The following TP63 variants were observed in gnomAD, a reference collection of about 807,000 sequenced individuals.
TP63 encodes the protein tumor protein 63.
In TP63, 17 loss-of-function variants were observed where a neutral mutation model predicts 82.8. The ratio of observed to expected loss-of-function variants is 0.21; its 90% CI spans 0.14 to 0.31. TP63 has a LOEUF of 0.31. Ranked by LOEUF, TP63 falls within the 10% of genes least tolerant of loss-of-function variation. The pLI is 1.00. For synonymous variants in TP63, 330 were observed against 321.7 expected (o/e 1.03, Z -0.28); for missense variants, 648 against 895.3 (o/e 0.72, Z 3.52).
chr3:189,758,829 T>G (rs2108534382), intron 3 of TP63, among the ~76,000 whole-genome samples: 1 of 152,332 alleles, frequency 6.6e-6, no homozygotes, highest in African/African-American at 2.4e-5. Context: ...GACCATCATT[T>G]CCCATTTGAA....
intron 3 of TP63, among the ~76,000 whole-genome samples, chr3:189,776,576 C>G (rs1723821895): frequency 6.6e-6 from 1 of 152,104 alleles, no homozygotes; most frequent in African/African-American, 2.4e-5. Flanking sequence ...AAAGCCAGCC[C>G]CTGCTGGGTT....
intron 4 of TP63, among the ~76,000 whole-genome samples, chr3:189,836,593 G>A (rs189240100): frequency 3.3e-4 from 51 of 152,256 alleles, no homozygotes; most frequent in African/African-American, 1.2e-3. Flanking sequence ...TTTTGGTAAT[G>A]TCTCTTTTCC....
intron 4 of TP63, among the ~76,000 whole-genome samples, chr3:189,843,335 C>T (rs917484676): frequency 4.6e-5 from 7 of 152,224 alleles, no homozygotes; most frequent in Admixed American, 4.6e-4. Context: ...GACAGCCCAC[C>T]TGCTTGATGT....
In TP63 at chr3:189,646,964, A is replaced by G. The variant is rs1478894956; in HGVS notation, c.62+15387A>G. Among the ~76,000 whole-genome samples the G allele has an allele frequency of 1.9e-4, 28 of 147,386 alleles. 1 individual carries two copies. Among genetic ancestry groups the G allele is most frequent in the Admixed American group, 1.9e-3 (28 of 15,000 alleles). Reference sequence around the variant, plus strand: ...GAGAATGCCACGATTTTCATTGCTCAAAGCATGCTGCTTAGTTTCAACCAG... The same window carrying G: ...GAGAATGCCACGATTTTCATTGCTCGAAGCATGCTGCTTAGTTTCAACCAG... On this transcript the variant is annotated intron_variant, in intron 1 of 13. Transcript: ENST00000264731.
intron 1 of TP63, among the ~76,000 whole-genome samples, chr3:189,676,819 C>T (rs1314947808): frequency 6.6e-6 from 1 of 151,950 alleles, no homozygotes; most frequent in Non-Finnish European, 1.5e-5. Context: ...CTAACTAATT[C>T]CTGACGATCT....
At chr3:189,635,467 A>T (rs1478875647) in intron 1 of TP63, among the ~76,000 whole-genome samples, 1 of 152,030 alleles carries the variant, frequency 6.6e-6, no homozygotes, top group Non-Finnish European at 1.5e-5. Context: ...CTGCCTCCTG[A>T]TAATTGCTTT....
intron 1 of TP63, among the ~76,000 whole-genome samples, chr3:189,725,735 A>C (rs76214228): frequency 6.6e-6 from 1 of 152,226 alleles, no homozygotes; most frequent in African/African-American, 2.4e-5. Flanking sequence ...CTTCAGTGCA[A>C]CACATACATA....
At chr3:189,599,270 T>TA in the TP63 span, among the ~76,000 whole-genome samples, 1 of 152,198 alleles carries the variant, frequency 6.6e-6, no homozygotes, top group African/African-American at 2.4e-5. Context: ...AATTTCTTGT[T>TA]ACAACCAGCC....
At chr3:189,861,986 G>T (rs1330590970) in intron 4 of TP63, among the ~76,000 whole-genome samples, 1 of 152,110 alleles carries the variant, frequency 6.6e-6, no homozygotes, top group Non-Finnish European at 1.5e-5. Context: ...TCAGAAGTTG[G>T]TTCAGTTTTA....
intron 5 of TP63, 145 bp from the exon 6 acceptor site, chr3:189,866,537 A>G (rs1313847962): frequency 1.4e-6 from 1 of 715,134 alleles, no homozygotes; most frequent in Non-Finnish European, 2.4e-6. Flanking sequence ...TGGCTATGGG[A>G]TCTGTTCGTT....
chr3:189,837,510 T>G (rs559368181), intron 4 of TP63, among the ~76,000 whole-genome samples: 1 of 76,356 alleles, frequency 1.3e-5, no homozygotes, highest in East Asian at 5.7e-4. Context: ...CTTCTTAAAA[T>G]TTTTACTTAT....
At chr3:189,795,432 G>A (rs1725590944) in intron 3 of TP63, among the ~76,000 whole-genome samples, 1 of 151,946 alleles carries the variant, frequency 6.6e-6, no homozygotes, top group African/African-American at 2.4e-5. Flanking sequence ...GATATCCCAA[G>A]TTTTGAAAGA....
the TP63 span, among the ~76,000 whole-genome samples, chr3:189,599,958 T>C: frequency 1.3e-5 from 2 of 152,226 alleles, no homozygotes. Flanking sequence ...TTTTCAGTTA[T>C]TATTGTTGCT....
intron 10 of TP63, chr3:189,881,104 G>C: frequency 1.0e-6 from 1 of 985,276 alleles, no homozygotes; most frequent in Non-Finnish European, 1.2e-6. Context: ...CTTAATTAGA[G>C]CTTCTATCCC....
intron 1 of TP63, among the ~76,000 whole-genome samples, chr3:189,687,257 C>T (rs939339385): frequency 1.3e-5 from 2 of 152,076 alleles, no homozygotes; most frequent in Admixed American, 6.5e-5. Flanking sequence ...TATGATGAAA[C>T]GGTACATAGT....
At chr3:189,627,313 A>G (rs1186779937), upstream of TP63, among the ~76,000 whole-genome samples, 1 of 152,166 alleles carries the variant, frequency 6.6e-6, no homozygotes, top group East Asian at 1.9e-4. Context: ...CTTAATAGCT[A>G]AACAAACAAA....
intron 4 of TP63, among the ~76,000 whole-genome samples, chr3:189,835,728 C>T (rs573565375): frequency 8.6e-5 from 13 of 151,968 alleles, no homozygotes; most frequent in East Asian, 3.9e-4. Flanking sequence ...GCCTGGCCAA[C>T]ATAGTGAAAC....
chr3:189,690,376 C>T (rs1182733690), intron 1 of TP63, among the ~76,000 whole-genome samples: 2 of 152,194 alleles, frequency 1.3e-5, no homozygotes, highest in Non-Finnish European at 2.9e-5. Flanking sequence ...CTCAGCCAGA[C>T]ACTCTCCTAC....
At chr3:189,696,514 G>A (rs954337384) in intron 1 of TP63, among the ~76,000 whole-genome samples, 9 of 152,130 alleles carry the variant, frequency 5.9e-5, no homozygotes, top group East Asian at 1.9e-4. Flanking sequence ...ACATTCCAAT[G>A]TGTGTTTTTG....
Sources: gnomAD v4.1 joint callset for allele counts (sites outside exome capture counted in the v4.1 genomes callset) on GRCh38, gnomAD v4.1.1 for gene constraint, MANE v1.5 for transcripts, NCBI Gene and HGNC (gene_info 2026-07-23, HGNC 2026-07-21) for gene names.